Variants in CTNNA3 observed in about 807,000 individuals in gnomAD.
CTNNA3 encodes catenin alpha 3.
A neutral mutation model predicts 95.7 loss-of-function variants in CTNNA3; 76 were observed. The observed-to-expected ratio is 0.79, with a 90% CI of 0.66 to 0.96. The LOEUF (loss-of-function observed/expected upper bound fraction) is 0.96, where lower values mean the gene tolerates loss of function less well. Among genes scored for constraint, CTNNA3 ranks in the 40% least tolerant of loss-of-function variants. The pLI, the probability that CTNNA3 is intolerant of heterozygous loss-of-function variation, is 0.00. For missense variants in CTNNA3, 1,191 were observed against 1,089.8 expected, an observed-to-expected ratio of 1.09 and a Z score of -1.31; for synonymous variants, 431 against 374.4, an observed-to-expected ratio of 1.15 and a Z score of -1.74.
chr10:66,262,165 C>A (rs2091024049), intron 13 of CTNNA3, among the ~76,000 whole-genome samples: 2 of 151,918 alleles, frequency 1.3e-5, no homozygotes, highest in African/African-American at 4.8e-5. Flanking sequence ...TAATTAGCTA[C>A]GTGGATATAG....
At chr10:66,412,274 A>G (rs1057505226) in intron 11 of CTNNA3, among the ~76,000 whole-genome samples, 9 of 152,110 alleles carry the variant, frequency 5.9e-5, no homozygotes, top group African/African-American at 2.2e-4. Context: ...AAAGAAAAAT[A>G]TACTTGGAAT....
At chr10:67,173,201 T>C (rs1326964567) in intron 7 of CTNNA3, among the ~76,000 whole-genome samples, 1 of 152,208 alleles carries the variant, frequency 6.6e-6, no homozygotes, top group African/African-American at 2.4e-5. Flanking sequence ...CACCCAGATT[T>C]CCTTTATAAG....
chr10:66,063,847 A>T (rs921810680), intron 15 of CTNNA3, among the ~76,000 whole-genome samples: 1 of 152,102 alleles, frequency 6.6e-6, no homozygotes, highest in Non-Finnish European at 1.5e-5. Flanking sequence ...ATAATTTTCT[A>T]TGTAGCAAAG....
intron 11 of CTNNA3, among the ~76,000 whole-genome samples, chr10:66,430,437 A>G (rs2093284252): frequency 2.0e-5 from 3 of 152,192 alleles, no homozygotes; most frequent in African/African-American, 7.2e-5. Context: ...AAGAGCCTGC[A>G]TTGCCAAGTC....
intron 5 of CTNNA3, among the ~76,000 whole-genome samples, chr10:67,401,853 C>T (rs1194654968): frequency 6.6e-6 from 1 of 152,182 alleles, no homozygotes; most frequent in Non-Finnish European, 1.5e-5. Context: ...TAATCCTGCC[C>T]TTGCAAAACC....
At chr10:66,827,993 C>T (rs1842576920) in intron 7 of CTNNA3, among the ~76,000 whole-genome samples, 1 of 152,072 alleles carries the variant, frequency 6.6e-6, no homozygotes, top group Admixed American at 6.6e-5. Flanking sequence ...TGTTTGAAGC[C>T]TGTCATCCTT....
chr10:67,094,566 A>G (rs1374845051), intron 7 of CTNNA3, among the ~76,000 whole-genome samples: 3 of 151,826 alleles, frequency 2.0e-5, no homozygotes, highest in African/African-American at 7.2e-5. Context: ...ATTGTCAAGC[A>G]TGGTGCCTCA....
intron 11 of CTNNA3, among the ~76,000 whole-genome samples, chr10:66,445,450 GA>G (rs2093412778): frequency 6.6e-6 from 1 of 151,926 alleles, no homozygotes; most frequent in African/African-American, 2.4e-5. Context: ...AAATGTAAAA[GA>G]ACAGAAATTA....
chr10:66,058,804 C>A (rs967505125), intron 15 of CTNNA3, among the ~76,000 whole-genome samples: 2 of 152,088 alleles, frequency 1.3e-5, no homozygotes, highest in African/African-American at 2.4e-5. Flanking sequence ...AAACATAATA[C>A]CAGAAGGATT....
chr10:66,845,731 T>TAAAAAAAAAAAAAAAAAA (rs1304034179), intron 7 of CTNNA3, among the ~76,000 whole-genome samples: 1 of 35,886 alleles, frequency 2.8e-5, no homozygotes, highest in African/African-American at 8.0e-5. Flanking sequence ...AAAAAAAAAC[T>TAAAAAAAAAAAAAAAAAA]AAAAAGGTGA....
intron 7 of CTNNA3, among the ~76,000 whole-genome samples, chr10:67,011,295 C>T (rs1160179095): frequency 1.4e-5 from 2 of 148,122 alleles, no homozygotes; most frequent in African/African-American, 2.5e-5. Flanking sequence ...GAGCCAAGAT[C>T]ATGCCACTGC....
At chr10:66,912,798 A>G (rs1299877931) in intron 7 of CTNNA3, among the ~76,000 whole-genome samples, 1 of 152,240 alleles carries the variant, frequency 6.6e-6, no homozygotes, top group Non-Finnish European at 1.5e-5. Flanking sequence ...ATTCATAAAT[A>G]AATGAACACA....
At chr10:67,363,989 T>A (rs935211825) in intron 5 of CTNNA3, among the ~76,000 whole-genome samples, 10 of 152,170 alleles carry the variant, frequency 6.6e-5, no homozygotes, top group African/African-American at 2.2e-4. Flanking sequence ...GGCAGCATCA[T>A]CCTGATACCA....
At chr10:67,542,369 G>A (rs1564727184) in intron 3 of CTNNA3, among the ~76,000 whole-genome samples, 2 of 151,924 alleles carry the variant, frequency 1.3e-5, no homozygotes, top group Non-Finnish European at 2.9e-5. Flanking sequence ...CTTTTCTTCT[G>A]GATCATAAAA....
intron 15 of CTNNA3, among the ~76,000 whole-genome samples, chr10:66,042,519 G>C (rs371978452): frequency 2.0e-5 from 3 of 152,004 alleles, no homozygotes; most frequent in East Asian, 1.9e-4. Context: ...TAAAATGAAG[G>C]GAAAGGATAA....
chr10:67,635,887 C>T (rs1259516722), intron 2 of CTNNA3, among the ~76,000 whole-genome samples: 1 of 152,078 alleles, frequency 6.6e-6, no homozygotes, highest in Non-Finnish European at 1.5e-5. Flanking sequence ...TCTTTATTTG[C>T]AGATGACATG....
At chr10:66,783,159 C>G (rs544912718) in intron 7 of CTNNA3, among the ~76,000 whole-genome samples, 3 of 152,056 alleles carry the variant, frequency 2.0e-5, no homozygotes, top group African/African-American at 7.2e-5. Context: ...GAGATACTCA[C>G]GCCAGAATAC....
Position 67,562,144 on chromosome 10 carries a change from T to A in CTNNA3, c.293-22475A>T, listed in dbSNP as rs556390476. Among the ~76,000 whole-genome samples the A allele has an allele frequency of 2.6e-5, 4 of 152,250 alleles. No individual in the cohort carries two copies. In the South Asian group the frequency reaches 6.2e-4, roughly 24 times the overall value. ...ATCCTCCCTAACTCATTTTATGAGG[T>A]CAGCATCATCCTGATACCAGAGCCG... On this transcript the variant is annotated intron_variant, in intron 3 of 17. Coordinates refer to ENST00000433211, the MANE Select transcript of CTNNA3 (RefSeq NM_013266.4).
intron 7 of CTNNA3, among the ~76,000 whole-genome samples, chr10:67,059,068 C>T (rs1444287618): frequency 6.6e-6 from 1 of 152,150 alleles, no homozygotes; most frequent in Non-Finnish European, 1.5e-5. Flanking sequence ...TAAATATCTG[C>T]ACACACAAAT....
Sources: gnomAD v4.1 joint callset for allele counts (sites outside exome capture counted in the v4.1 genomes callset) on GRCh38, gnomAD v4.1.1 for gene constraint, MANE v1.5 for transcripts, NCBI Gene and HGNC (gene_info 2026-07-23, HGNC 2026-07-21) for gene names.